The following DLG2 variants were observed in gnomAD, a reference collection of about 807,000 sequenced individuals.
DLG2 encodes disks large homolog 2.
A neutral mutation model predicts 132.5 loss-of-function variants in DLG2; 45 were observed. The ratio of observed to expected loss-of-function variants is 0.34; its 90% confidence interval spans 0.27 to 0.44. The LOEUF (loss-of-function observed/expected upper bound fraction) is 0.44, where lower values mean the gene tolerates loss of function less well. Among genes scored for constraint, DLG2 ranks in the 20% least tolerant of loss-of-function variants. DLG2 has a pLI of 1.00. For missense variants in DLG2, 1,045 were observed against 1,196.9 expected (o/e 0.87, Z 1.87); for synonymous variants, 424 against 419.6 (o/e 1.01, Z -0.13).
intron 6 of DLG2, among the ~76,000 whole-genome samples, chr11:84,826,115 T>C (rs1452892588): frequency 3.3e-5 from 5 of 151,918 alleles, no homozygotes; most frequent in Non-Finnish European, 5.9e-5. Context: ...TGAAATATTT[T>C]GACACAGGCA....
chr11:84,604,892 G>C (rs1206109825), intron 6 of DLG2, among the ~76,000 whole-genome samples: 1 of 151,688 alleles, frequency 6.6e-6, no homozygotes, highest in Admixed American at 6.6e-5. Flanking sequence ...TAAAGTAAAA[G>C]GGAACTTTTA....
intron 10 of DLG2, 88 bp downstream of exon 10, chr11:84,098,835 T>C (rs930429531): frequency 2.1e-6 from 3 of 1,440,630 alleles, no homozygotes; most frequent in African/African-American, 1.4e-5. Context: ...AGAACTTTTG[T>C]AGAATTATTA....
chr11:85,616,557 GA>G (rs1366237963), intron 2 of DLG2, among the ~76,000 whole-genome samples: 1 of 152,078 alleles, frequency 6.6e-6, no homozygotes, highest in Non-Finnish European at 1.5e-5. Flanking sequence ...ACAAAACCCA[GA>G]AGGAATTTTT....
intron 6 of DLG2, among the ~76,000 whole-genome samples, chr11:84,809,199 C>T (rs1369262373): frequency 6.6e-6 from 1 of 151,902 alleles, no homozygotes; most frequent in Non-Finnish European, 1.5e-5. Flanking sequence ...ATATTCATTT[C>T]AATCTATGCA....
At chr11:83,875,316 T>C (rs1235563376) in intron 15 of DLG2, among the ~76,000 whole-genome samples, 2 of 152,136 alleles carry the variant, frequency 1.3e-5, no homozygotes, top group Admixed American at 1.3e-4. Context: ...GAAACACTTT[T>C]CTAAGTGTTT....
At chr11:83,508,238 T>A (rs1164866394) in intron 21 of DLG2, among the ~76,000 whole-genome samples, 3 of 151,028 alleles carry the variant, frequency 2.0e-5, no homozygotes, top group Admixed American at 6.6e-5. Context: ...CCATTTAGAA[T>A]ATACATCTTT....
chr11:83,803,934 GT>G (rs1186803918), intron 17 of DLG2, among the ~76,000 whole-genome samples: 1 of 152,012 alleles, frequency 6.6e-6, no homozygotes, highest in Admixed American at 6.6e-5. Flanking sequence ...CTCATCTGAT[GT>G]TTTTTTCATC....
intron 2 of DLG2, among the ~76,000 whole-genome samples, chr11:85,617,770 T>C (rs1172004974): frequency 6.6e-6 from 1 of 152,228 alleles, no homozygotes; most frequent in East Asian, 1.9e-4. Context: ...AGTATTACCA[T>C]GCTTTTAATG....
chr11:85,425,784 G>C (rs931938049), intron 3 of DLG2, among the ~76,000 whole-genome samples: 1 of 152,160 alleles, frequency 6.6e-6, no homozygotes, highest in African/African-American at 2.4e-5. Context: ...GTGTCAGAAA[G>C]TGGGTGCAGG....
At chr11:84,555,294 T>C (rs1430040509) in intron 6 of DLG2, among the ~76,000 whole-genome samples, 5 of 152,068 alleles carry the variant, frequency 3.3e-5, no homozygotes, top group Non-Finnish European at 2.9e-5. Context: ...CACTTCTGGG[T>C]ATATATCCCA....
At chr11:84,545,309 C>T (rs1207746667) in intron 6 of DLG2, 4 of 509,198 alleles carry the variant, frequency 7.9e-6, no homozygotes, top group Non-Finnish European at 1.5e-5. Flanking sequence ...CTGCCAAAAT[C>T]ACTGTAGCTT....
intron 15 of DLG2, among the ~76,000 whole-genome samples, chr11:83,879,070 T>C (rs2065478250): frequency 6.6e-6 from 1 of 152,182 alleles, no homozygotes; most frequent in Admixed American, 6.5e-5. Context: ...TGCTGAAAGA[T>C]GTATTCCCAT....
At chr11:84,390,754 G>C (rs1429902984) in intron 7 of DLG2, among the ~76,000 whole-genome samples, 1 of 152,152 alleles carries the variant, frequency 6.6e-6, no homozygotes, top group Non-Finnish European at 1.5e-5. Flanking sequence ...CACATATGAA[G>C]TAGTGGGTTT....
chr11:84,835,759 G>T (rs535003239), intron 6 of DLG2, among the ~76,000 whole-genome samples: 1 of 151,476 alleles, frequency 6.6e-6, no homozygotes, highest in African/African-American at 2.4e-5. Context: ...TTATTTCAAA[G>T]GCTATTATAT....
chr11:84,320,159 TG>T (rs2098395873), intron 7 of DLG2, among the ~76,000 whole-genome samples: 1 of 152,218 alleles, frequency 6.6e-6, no homozygotes, highest in Admixed American at 6.5e-5. Flanking sequence ...CATGGGCAGA[TG>T]GTGCACAGAG....
chr11:84,936,373 A>T (rs1286996553), intron 6 of DLG2, among the ~76,000 whole-genome samples: 1 of 152,200 alleles, frequency 6.6e-6, no homozygotes, highest in Admixed American at 6.5e-5. Flanking sequence ...AGGGATTAAC[A>T]TGAAACAAAA....
intron 9 of DLG2, among the ~76,000 whole-genome samples, chr11:84,121,289 T>C (rs1251993543): frequency 6.6e-6 from 1 of 152,198 alleles, no homozygotes; most frequent in African/African-American, 2.4e-5. Context: ...CCTTCCAGAA[T>C]TATTATGTTC....
intron 19 of DLG2, among the ~76,000 whole-genome samples, chr11:83,602,426 G>A (rs1290299165): frequency 6.6e-6 from 1 of 152,208 alleles, no homozygotes; most frequent in African/African-American, 2.4e-5. Flanking sequence ...TTATTCTTGT[G>A]GAGAGTTACA....
intron 4 of DLG2, among the ~76,000 whole-genome samples, chr11:85,280,940 G>C (rs1372540681): frequency 6.6e-6 from 1 of 151,876 alleles, no homozygotes; most frequent in Non-Finnish European, 1.5e-5. Flanking sequence ...ATCCAACACA[G>C]AATAGCCATA....
Sources: gnomAD v4.1 joint callset for allele counts (sites outside exome capture counted in the v4.1 genomes callset) on GRCh38, gnomAD v4.1.1 for gene constraint, MANE v1.5 for transcripts, NCBI Gene and HGNC (gene_info 2026-07-23, HGNC 2026-07-21) for gene names.